Variants in FBXL7 observed in about 807,000 individuals in gnomAD.
FBXL7 encodes the protein F-box and leucine rich repeat protein 7.
Under a neutral mutation model 38.3 loss-of-function variants are expected in FBXL7, and 12 were observed. The observed-to-expected ratio is 0.31, with a 90% CI of 0.20 to 0.51. The LOEUF is 0.51. Ranked by LOEUF, FBXL7 falls within the 20% of genes least tolerant of loss-of-function variation. FBXL7 has a pLI of 0.98. For missense variants in FBXL7, 567 were observed against 676.4 expected (o/e 0.84, Z 1.79); for synonymous variants, 297 against 300.9 (o/e 0.99, Z 0.13).
chr5:15,871,731 C>T (rs1739973622), intron 2 of FBXL7, among the ~76,000 whole-genome samples: 1 of 151,362 alleles, frequency 6.6e-6, no homozygotes, highest in South Asian at 2.1e-4. Flanking sequence ...AGCATGAAGA[C>T]AAGATTAGAG....
At chr5:15,794,582 G>A (rs1737365361) in intron 2 of FBXL7, among the ~76,000 whole-genome samples, 1 of 152,186 alleles carries the variant, frequency 6.6e-6, no homozygotes, top group African/African-American at 2.4e-5. Context: ...GCAAACTCTT[G>A]TGGGAAATAC....
At chr5:15,830,097 C>G (rs366760) in intron 2 of FBXL7, among the ~76,000 whole-genome samples, 86,181 of 151,908 alleles carry the variant, frequency 0.57, 25,012 homozygotes, top group Non-Finnish European at 0.63. Flanking sequence ...TCTGAAGCCA[C>G]TGAGACTTAA....
intron 2 of FBXL7, among the ~76,000 whole-genome samples, chr5:15,691,816 T>C (rs1743191919): frequency 6.6e-6 from 1 of 152,162 alleles, no homozygotes; most frequent in African/African-American, 2.4e-5. Context: ...TGAGATGAAG[T>C]CGACTGAGAA....
chr5:15,775,806 C>A (rs1245037866), intron 2 of FBXL7, among the ~76,000 whole-genome samples: 1 of 152,090 alleles, frequency 6.6e-6, no homozygotes, highest in Non-Finnish European at 1.5e-5. Context: ...ATCAAGGCAA[C>A]GTCATTGCAG....
chr5:15,866,545 ATTTC>A (rs1333862346), intron 2 of FBXL7, among the ~76,000 whole-genome samples: 1 of 149,370 alleles, frequency 6.7e-6, no homozygotes, highest in African/African-American at 2.5e-5. Flanking sequence ...CTTTTTTTTT[ATTTC>A]TTCTAAAAAA....
intron 2 of FBXL7, among the ~76,000 whole-genome samples, chr5:15,671,146 A>T (rs928436546): frequency 6.6e-6 from 1 of 152,156 alleles, no homozygotes; most frequent in East Asian, 1.9e-4. Flanking sequence ...GTGTGTGCTC[A>T]GCTCCTCCCA....
chr5:15,771,770 ATTTTTT>A (rs35138853), intron 2 of FBXL7, among the ~76,000 whole-genome samples: 1 of 113,292 alleles, frequency 8.8e-6, no homozygotes. Flanking sequence ...GGATTAACAG[ATTTTTT>A]TTTTTTTTTT....
At chr5:15,863,029 G>A (rs1010720936) in intron 2 of FBXL7, among the ~76,000 whole-genome samples, 13 of 152,178 alleles carry the variant, frequency 8.5e-5, no homozygotes, top group Non-Finnish European at 1.9e-4. Context: ...ATGGGTGTGT[G>A]TACACTGCAC....
chr5:15,655,443 G>A (rs143917536), intron 2 of FBXL7, among the ~76,000 whole-genome samples: 28 of 151,330 alleles, frequency 1.9e-4, no homozygotes, highest in Admixed American at 7.2e-4. Flanking sequence ...GCAGTGAGCC[G>A]AGATCTCGTC....
intron 2 of FBXL7, among the ~76,000 whole-genome samples, chr5:15,870,383 C>T (rs1739902173): frequency 6.6e-6 from 1 of 152,082 alleles, no homozygotes; most frequent in African/African-American, 2.4e-5. Context: ...ATCCCAAAGA[C>T]TCCAAGGCAC....
chr5:15,764,521 C>T (rs564783449), intron 2 of FBXL7, among the ~76,000 whole-genome samples: 3 of 152,120 alleles, frequency 2.0e-5, no homozygotes, highest in South Asian at 2.1e-4. Context: ...TAAAGGTTAG[C>T]GTGTGTGCCC....
At chr5:15,671,992 A>T (rs1561079032) in intron 2 of FBXL7, among the ~76,000 whole-genome samples, 2 of 152,228 alleles carry the variant, frequency 1.3e-5, no homozygotes, top group Non-Finnish European at 2.9e-5. Context: ...GTCTGAAACT[A>T]TCCCTGTTAC....
intron 2 of FBXL7, among the ~76,000 whole-genome samples, chr5:15,772,766 A>C (rs1396468808): frequency 6.6e-6 from 1 of 152,078 alleles, no homozygotes; most frequent in Non-Finnish European, 1.5e-5. Context: ...CTCTCCTCAA[A>C]TATCCTCTAT....
At chr5:15,814,409 G>A (rs751164648) in intron 2 of FBXL7, among the ~76,000 whole-genome samples, 2 of 151,952 alleles carry the variant, frequency 1.3e-5, no homozygotes, top group South Asian at 2.1e-4. Flanking sequence ...AGGGAACATC[G>A]CACACTGGGG....
At chr5:15,663,758 T>C (rs191279196) in intron 2 of FBXL7, among the ~76,000 whole-genome samples, 2 of 152,338 alleles carry the variant, frequency 1.3e-5, no homozygotes, top group African/African-American at 4.8e-5. Flanking sequence ...TCAATGTTTA[T>C]CAGAATATTT....
At chr5:15,766,878 A>T (rs1036592869) in intron 2 of FBXL7, among the ~76,000 whole-genome samples, 12 of 152,242 alleles carry the variant, frequency 7.9e-5, no homozygotes, top group African/African-American at 2.9e-4. Flanking sequence ...TACCGTGACG[A>T]GCAGAACAAC....
chr5:15,677,587 CTG>C (rs976875184), intron 2 of FBXL7, among the ~76,000 whole-genome samples: 1 of 152,060 alleles, frequency 6.6e-6, no homozygotes, highest in African/African-American at 2.4e-5. Context: ...AGGAGAGAAA[CTG>C]AACATGTCAA....
chr5:15,584,321 TC>T (rs1739239515), intron 1 of FBXL7, among the ~76,000 whole-genome samples: 1 of 152,236 alleles, frequency 6.6e-6, no homozygotes, highest in Admixed American at 6.5e-5. Context: ...AATGGGTTTT[TC>T]TTTTCTACCA....
intron 2 of FBXL7, among the ~76,000 whole-genome samples, chr5:15,668,418 C>T (rs973368199): frequency 6.7e-6 from 1 of 149,192 alleles, no homozygotes; most frequent in African/African-American, 2.5e-5. Flanking sequence ...GTTTTCATGG[C>T]TCTTGTTTTC....
Sources: allele counts gnomAD v4.1 joint callset (sites outside exome capture counted in the v4.1 genomes callset), GRCh38; gene constraint gnomAD v4.1.1; transcripts MANE v1.5; gene names NCBI Gene and HGNC (gene_info 2026-07-23, HGNC 2026-07-21).